The following GRAMD1B variants were observed in gnomAD, a reference collection of about 807,000 sequenced individuals.
GRAMD1B encodes protein Aster-B.
A neutral mutation model predicts 99.7 loss-of-function variants in GRAMD1B; 37 were observed. The ratio of observed to expected loss-of-function variants is 0.37; its 90% CI spans 0.29 to 0.49. The LOEUF is 0.49. Among genes scored for constraint, GRAMD1B ranks in the 20% least tolerant of loss-of-function variants. GRAMD1B has a pLI of 0.98. For synonymous variants in GRAMD1B, 427 were observed against 387.6 expected (o/e 1.10, Z -1.19); for missense variants, 888 against 1,009.2 (o/e 0.88, Z 1.63).
chr11:123,563,088 G>A (rs1017443549), intron 2 of GRAMD1B, among the ~76,000 whole-genome samples: 2 of 152,176 alleles, frequency 1.3e-5, no homozygotes, highest in East Asian at 3.9e-4. Context: ...GGGAGCCATC[G>A]CCATGTTAAT....
chr11:123,402,453 T>C (rs1947701759), intron 1 of GRAMD1B, among the ~76,000 whole-genome samples: 1 of 152,202 alleles, frequency 6.6e-6, no homozygotes, highest in Non-Finnish European at 1.5e-5. Flanking sequence ...GTACGAGGTG[T>C]GTGTCAGAGT....
intron 17 of GRAMD1B, among the ~76,000 whole-genome samples, chr11:123,617,641 G>C (rs552911759): frequency 6.6e-6 from 1 of 152,096 alleles, no homozygotes; most frequent in East Asian, 1.9e-4. Flanking sequence ...AGTAGGATAG[G>C]TATTACTGTC....
chr11:123,513,573 CTTCCT>C (rs1478014428), intron 2 of GRAMD1B, among the ~76,000 whole-genome samples: 2 of 95,302 alleles, frequency 2.1e-5, no homozygotes, highest in African/African-American at 4.6e-5. Context: ...TCCTTCCTTC[CTTCCT>C]TTCCTTCCTT....
At chr11:123,599,203 A>T in intron 7 of GRAMD1B, 1 of 765,994 alleles carries the variant, frequency 1.3e-6, no homozygotes, top group East Asian at 2.5e-5. Context: ...CTGTTACAGA[A>T]ATCAGAAAAT....
At chr11:123,370,321 A>T (rs1946481632) in intron 1 of GRAMD1B, among the ~76,000 whole-genome samples, 1 of 150,826 alleles carries the variant, frequency 6.6e-6, no homozygotes. Context: ...ATCTAAAAAA[A>T]AAAAAGAAGT....
intron 2 of GRAMD1B, among the ~76,000 whole-genome samples, chr11:123,499,623 CT>C (rs1939651216): frequency 6.6e-6 from 1 of 152,176 alleles, no homozygotes; most frequent in African/African-American, 2.4e-5. Context: ...GGCTCCCTTT[CT>C]TTTTCTTTGC....
intron 3 of GRAMD1B, chr11:123,578,418 G>T: frequency 6.5e-7 from 1 of 1,532,444 alleles, no homozygotes; most frequent in African/African-American, 1.4e-5. Context: ...AGTCTCACAA[G>T]CGCCTCTCAA....
intron 2 of GRAMD1B, among the ~76,000 whole-genome samples, chr11:123,557,618 A>G (rs1011002192): frequency 5.9e-5 from 9 of 152,242 alleles, no homozygotes; most frequent in South Asian, 2.1e-4. Flanking sequence ...ATGTATTTAC[A>G]TCATTTAATC....
intron 1 of GRAMD1B, among the ~76,000 whole-genome samples, chr11:123,432,862 G>C (rs1013044925): frequency 6.6e-6 from 1 of 152,064 alleles, no homozygotes; most frequent in Non-Finnish European, 1.5e-5. Flanking sequence ...GGGCATTTTG[G>C]GCCTTCCAGA....
intron 3 of GRAMD1B, among the ~76,000 whole-genome samples, chr11:123,581,075 C>T (rs1949309177): frequency 6.6e-6 from 1 of 152,106 alleles, no homozygotes; most frequent in Non-Finnish European, 1.5e-5. Context: ...TTCCAGACTC[C>T]CGGAGCCTTC....
rs1951555155 is a variant in GRAMD1B at position 123,480,801 on chromosome 11, T to C, written c.375-15T>C. ...AAGCTGAAGTTAACGGTTGATATCC[T>C]ATGTCTTTCCTCAGCAGCCAACAGA... On this transcript the variant is annotated splice_polypyrimidine_tract_variant and intron_variant, in intron 1 of 19. Coordinates refer to ENST00000635736, the MANE Select transcript of GRAMD1B (RefSeq NM_001387025.1). The C allele has an allele frequency of 5.0e-6, 2 of 398,930 alleles. No individual in the cohort carries two copies. Among genetic ancestry groups the C allele is most frequent in the East Asian group, 3.6e-5 (1 of 28,066 alleles). The allele number at this position is 398,930 out of a possible 1,614,324, so 24.7% of individuals were successfully genotyped here. A position where few individuals can be genotyped will look rare whatever the true frequency, so the allele number is the denominator to read the frequency against.
intron 2 of GRAMD1B, among the ~76,000 whole-genome samples, chr11:123,565,298 C>T (rs1025388621): frequency 2.6e-5 from 4 of 151,880 alleles, no homozygotes; most frequent in Non-Finnish European, 5.9e-5. Context: ...CTCGGCCTCC[C>T]GAAGTGCTGG....
intron 12 of GRAMD1B, among the ~76,000 whole-genome samples, chr11:123,609,218 A>G (rs1055514997): frequency 6.6e-6 from 1 of 152,002 alleles, no homozygotes; most frequent in Admixed American, 6.6e-5. Context: ...CTGGAACTCA[A>G]ACTGTTAGTG....
At position 123,577,527 on chromosome 11, in the gene GRAMD1B, C is replaced by A. The variant is rs1209232507; in HGVS notation, c.613C>A (p.Gln205Lys). Reference sequence around the variant, plus strand: ...CCCGTCCACACCGGAGCAGGGCGTGCAGCGCAGCTGCTCCTCCCAGTCCGG... The same window carrying A: ...CCCGTCCACACCGGAGCAGGGCGTGAAGCGCAGCTGCTCCTCCCAGTCCGG... ...KSPSTPEQGV[Q>K]RSCSSQSGRS... Residue 205 changes from glutamine to lysine, a missense_variant, in exon 3 of 20, where the codon CAG becomes AAG. Gln to Lys is a moderately conservative substitution (Grantham distance 53, BLOSUM62 1). Transcript: ENST00000635736. The A allele has an allele frequency of 1.9e-6, 3 of 1,599,472 alleles. No homozygotes were observed. Among genetic ancestry groups the A allele is most frequent in the South Asian group, 2.3e-5 (2 of 88,334 alleles).
chr11:123,519,528 A>G (rs530235061), intron 2 of GRAMD1B, among the ~76,000 whole-genome samples: 1 of 152,274 alleles, frequency 6.6e-6, no homozygotes, highest in African/African-American at 2.4e-5. Context: ...CTTAAATATA[A>G]CACTCTCAAC....
At chr11:123,513,576 CCTTTCCTTCCTTCCTTCCTTCCTT>C (rs1941297070) in intron 2 of GRAMD1B, among the ~76,000 whole-genome samples, 10 of 67,094 alleles carry the variant, frequency 1.5e-4, no homozygotes, top group African/African-American at 4.4e-4. Flanking sequence ...TTCCTTCCTT[CCTTTCCTTCCTTCCTTCCTTCCTT>C]CCTTCCTTCC....
intron 1 of GRAMD1B, among the ~76,000 whole-genome samples, chr11:123,365,818 G>A (rs539947293): frequency 6.6e-6 from 1 of 152,326 alleles, no homozygotes; most frequent in East Asian, 1.9e-4. Flanking sequence ...CTAAGTCAGA[G>A]AAAATGCTGA....
At chr11:123,572,743 GA>G (rs1255090556) in intron 2 of GRAMD1B, among the ~76,000 whole-genome samples, 15 of 152,358 alleles carry the variant, frequency 9.8e-5, no homozygotes, top group African/African-American at 3.4e-4. Flanking sequence ...AGGATCTGCA[GA>G]CAGACCCCAA....
chr11:123,460,650 C>T (rs867896921), intron 1 of GRAMD1B, among the ~76,000 whole-genome samples: 5 of 152,032 alleles, frequency 3.3e-5, no homozygotes, highest in East Asian at 1.9e-4. Flanking sequence ...CAGTTTTTCC[C>T]GGGGCTAAGG....
Sources: gnomAD v4.1 joint callset for allele counts (sites outside exome capture counted in the v4.1 genomes callset) on GRCh38, gnomAD v4.1.1 for gene constraint, MANE v1.5 for transcripts, NCBI Gene and HGNC (gene_info 2026-07-23, HGNC 2026-07-21) for gene names.